Variants in MECOM observed in about 807,000 individuals in gnomAD.
MECOM encodes MDS1 and EVI1 complex locus.
A neutral mutation model predicts 116.3 loss-of-function variants in MECOM; 13 were observed. The ratio of observed to expected loss-of-function variants is 0.11; its 90% confidence interval spans 0.07 to 0.18. MECOM has a LOEUF of 0.18. MECOM is among the 10% of genes least tolerant of loss of function. The pLI, the probability that MECOM is intolerant of heterozygous loss-of-function variation, is 1.00. For missense variants in MECOM, 1,299 were observed against 1,509.0 expected, an observed-to-expected ratio of 0.86 and a Z score of 2.31; for synonymous variants, 528 against 535.2, an observed-to-expected ratio of 0.99 and a Z score of 0.19.
At chr3:169,146,118 A>C (rs1271010209) in intron 2 of MECOM, 1 of 528,738 alleles carries the variant, frequency 1.9e-6, no homozygotes. Context: ...GTGTTTTTAA[A>C]AGCTGTCAAC....
chr3:169,425,098 A>AC (rs1447772996), intron 1 of MECOM, among the ~76,000 whole-genome samples: 8 of 104,242 alleles, frequency 7.7e-5, no homozygotes, highest in South Asian at 3.0e-4. Flanking sequence ...CATTTGCAGA[A>AC]ACCCCCCCCC....
At chr3:169,393,086 A>G (rs542209557) in intron 1 of MECOM, among the ~76,000 whole-genome samples, 58 of 152,298 alleles carry the variant, frequency 3.8e-4, no homozygotes, top group African/African-American at 1.2e-3. Context: ...AAAAGGGCCC[A>G]GAAGTTCTAT....
intron 16 of MECOM, among the ~76,000 whole-genome samples, chr3:169,087,634 T>TG: frequency 6.6e-6 from 1 of 151,794 alleles, no homozygotes; most frequent in Non-Finnish European, 1.5e-5. Context: ...CCAAAAACCT[T>TG]GATACTCAAG....
rs1328151658 is a variant in MECOM at position 169,381,306 on chromosome 3, T to C, written c.256A>G (p.Asn86Asp). 6.2e-7 allele frequency: 1 copy of C among 1,613,886 alleles called. No homozygotes were observed. Among genetic ancestry groups the C allele is most frequent in the Admixed American group, 1.7e-5 (1 of 60,002 alleles). ...ATTCCTAGTCCTGCCCCAGGCATAT[T>C]TGACTCTCGAAGTTCAAACTCAGCA... ...IPAEFELRES[N>D]MPGAGLGIWT... Residue 86 changes from asparagine (N) to aspartate (D), a missense_variant, in exon 2 of 17, where the codon AAT (asparagine) becomes GAT (aspartate). Asn to Asp is a conservative substitution (Grantham distance 23, BLOSUM62 1). Transcript: ENST00000651503.
At chr3:169,334,206 T>A (rs1313589222) in intron 2 of MECOM, among the ~76,000 whole-genome samples, 2 of 152,156 alleles carry the variant, frequency 1.3e-5, no homozygotes, top group East Asian at 3.9e-4. Context: ...CTCATTTGTA[T>A]TTTCCTCCTT....
In MECOM at chr3:169,084,186, A is replaced by C. The variant is rs367727337; in HGVS notation, c.*723T>G. The C allele has an allele frequency of 8.6e-6, 2 of 232,036 alleles. No individual in the cohort carries two copies. The highest frequency in any genetic ancestry group is 1.2e-4 in the East Asian group (2 of 16,412). 14.4% of individuals were successfully genotyped at this position (232,036 alleles called of 1,614,324 possible). On this transcript the variant is annotated 3_prime_UTR_variant, in exon 17 of 17. Transcript: ENST00000651503. ...AGTGACATGATTGTCTAAAATTAAG[A>C]TGTTATTACAAGGATTTGGCAAACA...
intron 1 of MECOM, among the ~76,000 whole-genome samples, chr3:169,662,833 GAAAC>G (rs1352725442): frequency 6.6e-6 from 1 of 151,842 alleles, no homozygotes; most frequent in Non-Finnish European, 1.5e-5. Flanking sequence ...CCAAACCCCA[GAAAC>G]AAACCGAGGC....
At chr3:169,120,080 T>C (rs982841719) in intron 7 of MECOM, among the ~76,000 whole-genome samples, 3 of 152,186 alleles carry the variant, frequency 2.0e-5, no homozygotes, top group Non-Finnish European at 4.4e-5. Flanking sequence ...CAAACCAAAG[T>C]CAGAGGTCTT....
chr3:169,225,523 C>T (rs969349770), intron 2 of MECOM, among the ~76,000 whole-genome samples: 1 of 152,218 alleles, frequency 6.6e-6, no homozygotes, highest in Non-Finnish European at 1.5e-5. Flanking sequence ...AATTCAAAAA[C>T]AGGGCCCATA....
intron 2 of MECOM, among the ~76,000 whole-genome samples, chr3:169,237,782 A>G (rs1754272364): frequency 6.6e-6 from 1 of 152,094 alleles, no homozygotes; most frequent in African/African-American, 2.4e-5. Flanking sequence ...TAGTTCACCC[A>G]TTTTTTAGAA....
chr3:169,530,259 T>G (rs1343078275), intron 1 of MECOM, among the ~76,000 whole-genome samples: 1 of 152,174 alleles, frequency 6.6e-6, no homozygotes, highest in Non-Finnish European at 1.5e-5. Context: ...AAATTGCAAA[T>G]TCCTGGGTGT....
At chr3:169,652,457 C>A (rs1775036712) in intron 1 of MECOM, among the ~76,000 whole-genome samples, 1 of 152,068 alleles carries the variant, frequency 6.6e-6, no homozygotes, top group African/African-American at 2.4e-5. Flanking sequence ...GCACAAGAAA[C>A]CATATATGGC....
At chr3:169,370,007 T>G (rs1331022852) in intron 2 of MECOM, among the ~76,000 whole-genome samples, 1 of 152,034 alleles carries the variant, frequency 6.6e-6, no homozygotes, top group Non-Finnish European at 1.5e-5. Flanking sequence ...GTTAAGAGTA[T>G]GCAACACGTC....
intron 2 of MECOM, among the ~76,000 whole-genome samples, chr3:169,367,854 A>G (rs1729450119): frequency 6.6e-6 from 1 of 152,026 alleles, no homozygotes; most frequent in Non-Finnish European, 1.5e-5. Context: ...AGGCATGTAT[A>G]TTCCTCTGAG....
chr3:169,505,341 T>G (rs1186427465), intron 1 of MECOM, among the ~76,000 whole-genome samples: 1 of 152,122 alleles, frequency 6.6e-6, no homozygotes, highest in Non-Finnish European at 1.5e-5. Flanking sequence ...TGGTATTTTA[T>G]GCCCTTACCA....
chr3:169,423,559 C>T (rs1452313705), intron 1 of MECOM, among the ~76,000 whole-genome samples: 1 of 152,042 alleles, frequency 6.6e-6, no homozygotes, highest in African/African-American at 2.4e-5. Flanking sequence ...AGAAACTATA[C>T]AAAAGATGAT....
At chr3:169,204,082 C>T (rs1420187319) in intron 2 of MECOM, among the ~76,000 whole-genome samples, 1 of 152,140 alleles carries the variant, frequency 6.6e-6, no homozygotes, top group Non-Finnish European at 1.5e-5. Flanking sequence ...CCAGTTCATG[C>T]CACAGCCCAA....
rs1318880393 is a variant in MECOM at position 169,143,799 on chromosome 3, T to C, written c.409A>G (p.Ile137Val). The C allele has an allele frequency of 1.2e-6, 2 of 1,609,990 alleles. No homozygotes were observed. Among genetic ancestry groups the C allele is most frequent in the Non-Finnish European group, 1.7e-6 (2 of 1,178,166 alleles). Residue 137 changes from isoleucine to valine, a missense_variant, in exon 3 of 17, where the codon ATA (isoleucine) becomes GTA (valine). Around this residue, in one of 6 missense-constraint regions of MECOM, gnomAD observed 374 missense variants for 433.4 expected, o/e 0.86. Coordinates refer to ENST00000651503, the MANE Select transcript of MECOM (RefSeq NM_004991.4). Reference sequence around the variant, plus strand: ...CCAACATCTGGTTGACTGGCATCTATGCAGAACTTCACATTGTAAAATTCG... The same window carrying C: ...CCAACATCTGGTTGACTGGCATCTACGCAGAACTTCACATTGTAAAATTCG... ...LDEFYNVKFC[I>V]DASQPDVGSW...
At chr3:169,449,719 T>A (rs957164650) in intron 1 of MECOM, among the ~76,000 whole-genome samples, 3 of 152,152 alleles carry the variant, frequency 2.0e-5, no homozygotes, top group Non-Finnish European at 4.4e-5. Context: ...CATGCATGTA[T>A]GTCTGAGACA....
Sources: gnomAD v4.1 joint callset for allele counts (sites outside exome capture counted in the v4.1 genomes callset) on GRCh38, gnomAD v4.1.1 for gene constraint, gnomAD v4.1.1 regional missense constraint, MANE v1.5 for transcripts, NCBI Gene and HGNC (gene_info 2026-07-23, HGNC 2026-07-21) for gene names.